ACYP2: variants seen among roughly 807,000 people sequenced by gnomAD.
ACYP2 encodes the protein acylphosphatase-2.
In ACYP2, 12 loss-of-function variants were observed where a neutral mutation model predicts 11.2. The ratio of observed to expected loss-of-function variants is 1.08; its 90% CI spans 0.69 to 1.74. The LOEUF (loss-of-function observed/expected upper bound fraction) is 1.74, where lower values mean the gene tolerates loss of function less well. ACYP2 is among the 40% of genes most tolerant of loss of function. The pLI is 0.00. For synonymous variants in ACYP2, 43 were observed against 32.2 expected (o/e 1.33, Z -1.13); for missense variants, 134 against 101.9 (o/e 1.31, Z -1.35).
intron 2 of ACYP2, among the ~76,000 whole-genome samples, chr2:54,035,027 A>AAAAATAAAAAAAAT (rs1674810946): frequency 6.8e-6 from 1 of 147,632 alleles, no homozygotes; most frequent in African/African-American, 2.5e-5. Flanking sequence ...AAAAAAAAAA[A>AAAAATAAAAAAAAT]AAAAAGCCTA....
At chr2:54,212,603 G>A (rs150608200) in intron 6 of ACYP2, among the ~76,000 whole-genome samples, 1 of 152,288 alleles carries the variant, frequency 6.6e-6, no homozygotes, top group African/African-American at 2.4e-5. Context: ...CTTAATTTCT[G>A]ACACATAGCT....
chr2:54,168,677 T>C (rs562150301), intron 6 of ACYP2, among the ~76,000 whole-genome samples: 31 of 152,204 alleles, frequency 2.0e-4, no homozygotes, highest in South Asian at 1.9e-3. Flanking sequence ...ATAGTAATCA[T>C]TGAATTAAAG....
intron 6 of ACYP2, among the ~76,000 whole-genome samples, chr2:54,139,476 A>G (rs1037535378): frequency 3.3e-5 from 5 of 152,226 alleles, no homozygotes; most frequent in African/African-American, 1.2e-4. Flanking sequence ...ACGTTTTCAA[A>G]AGCCTTGTGT....
At chr2:54,213,435 T>C (rs981247059) in intron 6 of ACYP2, among the ~76,000 whole-genome samples, 2 of 152,210 alleles carry the variant, frequency 1.3e-5, no homozygotes, top group Admixed American at 6.5e-5. Context: ...GAATGATTTA[T>C]ATTCCTTTGG....
chr2:54,120,057 C>G (rs1185080246), intron 4 of ACYP2, among the ~76,000 whole-genome samples: 1 of 152,218 alleles, frequency 6.6e-6, no homozygotes, highest in Non-Finnish European at 1.5e-5. Flanking sequence ...TCTTGTCACA[C>G]CTATCAAGGG....
chr2:54,029,302 A>G (rs1297288836), intron 2 of ACYP2, among the ~76,000 whole-genome samples: 1 of 152,166 alleles, frequency 6.6e-6, no homozygotes, highest in Non-Finnish European at 1.5e-5. Flanking sequence ...TCAAGGGTAC[A>G]TACTACCAGC....
intron 6 of ACYP2, among the ~76,000 whole-genome samples, chr2:54,181,948 C>T (rs1351929997): frequency 2.0e-5 from 3 of 151,900 alleles, no homozygotes; most frequent in African/African-American, 4.8e-5. Context: ...ATCTGATGGA[C>T]CCTCTCTTAC....
intron 4 of ACYP2, among the ~76,000 whole-genome samples, chr2:54,107,611 T>G (rs1679235396): frequency 6.6e-6 from 1 of 152,216 alleles, no homozygotes; most frequent in Non-Finnish European, 1.5e-5. Flanking sequence ...CACTGGGCAT[T>G]AAATGGCTTA....
At position 54,277,897 on chromosome 2, in the gene ACYP2, G is replaced by A. The variant is rs920374552; in HGVS notation, c.405-26791G>A. On this transcript the variant is annotated intron_variant, in intron 6 of 6. Transcript: ENST00000607452. ...ATACTTTAAAAACATTTTATTATAG[G>A]AAGTTTCAAATGTACCCAAAAAGAG... Among the ~76,000 whole-genome samples, 20 of 151,906 alleles carry A rather than the reference G, an allele frequency of 1.3e-4. 2 individuals carry two copies. Among genetic ancestry groups the A allele is most frequent in the Admixed American group, 1.3e-3 (20 of 15,246 alleles).
At chr2:54,127,620 C>T (rs1680610845) in intron 4 of ACYP2, among the ~76,000 whole-genome samples, 1 of 151,900 alleles carries the variant, frequency 6.6e-6, no homozygotes, top group Admixed American at 6.6e-5. Context: ...TGGTGGCATG[C>T]ACCTGTAGTC....
chr2:54,156,161 T>C (rs1682420926), intron 6 of ACYP2, among the ~76,000 whole-genome samples: 1 of 152,216 alleles, frequency 6.6e-6, no homozygotes, highest in Non-Finnish European at 1.5e-5. Context: ...GTCCATTTGG[T>C]CTAAAGTGTA....
chr2:54,061,593 A>G (rs1037652112), intron 4 of ACYP2, among the ~76,000 whole-genome samples: 5 of 152,186 alleles, frequency 3.3e-5, no homozygotes, highest in African/African-American at 1.2e-4. Flanking sequence ...CTTTAGCATA[A>G]AAGGGTTTTA....
At chr2:54,103,730 A>G (rs891085475) in intron 4 of ACYP2, among the ~76,000 whole-genome samples, 2 of 152,236 alleles carry the variant, frequency 1.3e-5, no homozygotes, top group African/African-American at 4.8e-5. Context: ...TATAGAGCTC[A>G]AGAAAGTGAA....
chr2:54,073,049 G>T (rs2103651506), intron 4 of ACYP2, among the ~76,000 whole-genome samples: 1 of 152,304 alleles, frequency 6.6e-6, no homozygotes, highest in Middle Eastern at 3.4e-3. Context: ...CTTATGATCA[G>T]TAGACTAGAA....
intron 6 of ACYP2, among the ~76,000 whole-genome samples, chr2:54,281,961 T>C (rs541456881): frequency 6.6e-6 from 1 of 152,322 alleles, no homozygotes; most frequent in African/African-American, 2.4e-5. Context: ...CATTACTGTT[T>C]ATTTTCATTT....
chr2:54,096,318 G>A (rs905142285), intron 4 of ACYP2, among the ~76,000 whole-genome samples: 2 of 143,480 alleles, frequency 1.4e-5, no homozygotes, highest in African/African-American at 5.2e-5. Context: ...ATGGGATGGC[G>A]GCCGGGCAGA....
At chr2:54,011,823 A>C (rs910170749) in intron 2 of ACYP2, among the ~76,000 whole-genome samples, 3 of 152,116 alleles carry the variant, frequency 2.0e-5, no homozygotes, top group Non-Finnish European at 2.9e-5. Flanking sequence ...TCACATTCAT[A>C]AATGCTTTCA....
At chr2:54,153,316 A>G (rs551482000) in intron 6 of ACYP2, among the ~76,000 whole-genome samples, 38 of 152,074 alleles carry the variant, frequency 2.5e-4, no homozygotes, top group African/African-American at 8.4e-4. Context: ...TGGGCTCTCT[A>G]TCCTGTTCCA....
At chr2:54,298,654 G>A (rs182601344) in intron 6 of ACYP2, among the ~76,000 whole-genome samples, 323 of 152,292 alleles carry the variant, frequency 2.1e-3, no homozygotes, top group Non-Finnish European at 3.5e-3. Context: ...ATGAAGGTGG[G>A]GCTAAAAATA....
Sources: gnomAD v4.1 joint callset for allele counts (sites outside exome capture counted in the v4.1 genomes callset) on GRCh38, gnomAD v4.1.1 for gene constraint, MANE v1.5 for transcripts, NCBI Gene and HGNC (gene_info 2026-07-23, HGNC 2026-07-21) for gene names.